RAB30: variants seen among roughly 807,000 people sequenced by gnomAD.
The protein encoded by RAB30 is RAB30, member RAS oncogene family.
Under a neutral mutation model 25.1 loss-of-function variants are expected in RAB30, and 9 were observed. The observed-to-expected ratio is 0.36, with a 90% CI of 0.22 to 0.63. The LOEUF is 0.63. RAB30 is among the 20% of genes least tolerant of loss of function. The pLI is 0.69. For synonymous variants in RAB30, 77 were observed against 86.4 expected, an observed-to-expected ratio of 0.89 and a Z score of 0.60; for missense variants, 140 against 243.5, an observed-to-expected ratio of 0.58 and a Z score of 2.83.
chr11:83,015,858 T>C (rs567294540), intron 1 of RAB30, among the ~76,000 whole-genome samples: 3 of 152,186 alleles, frequency 2.0e-5, no homozygotes, highest in African/African-American at 7.2e-5. Flanking sequence ...AAGAGATGGG[T>C]TGGGCATGGT....
intron 1 of RAB30, among the ~76,000 whole-genome samples, chr11:83,042,771 C>A (rs1233453476): frequency 6.6e-6 from 1 of 152,094 alleles, no homozygotes; most frequent in African/African-American, 2.4e-5. Context: ...TGTATATAAT[C>A]ATGTAGAAAT....
At position 82,981,452 on chromosome 11, in the gene RAB30, T is replaced by TC. The variant is rs559610572; in HGVS notation, c.*712dup. 95 of 152,672 alleles carry TC rather than the reference T, an allele frequency of 6.2e-4. 1 individual carries two copies. Among genetic ancestry groups the TC allele is most frequent in the African/African-American group, 2.2e-3 (90 of 41,544 alleles). 9.5% of individuals were successfully genotyped at this position (152,672 alleles called of 1,614,324 possible). A position where few individuals can be genotyped will look rare whatever the true frequency, so the allele number is the denominator to read the frequency against. On this transcript the variant is annotated 3_prime_UTR_variant, in exon 5 of 5. Transcript: ENST00000527633. ...GAGAAAGAGTGCTGATTCATGGACT[T>TC]CCCCCATTTTTTTATTTCTATATAA...
chr11:83,018,873 A>C (rs1032148891), intron 1 of RAB30, among the ~76,000 whole-genome samples: 1 of 152,140 alleles, frequency 6.6e-6, no homozygotes, highest in Admixed American at 6.5e-5. Context: ...TTTGTATAAG[A>C]TCCAGTTTCA....
intron 2 of RAB30, among the ~76,000 whole-genome samples, chr11:82,994,664 G>C (rs1856923456): frequency 6.6e-6 from 1 of 152,150 alleles, no homozygotes; most frequent in South Asian, 2.1e-4. Flanking sequence ...AGACAGTTTT[G>C]GGATCTGTCT....
At chr11:83,064,145 G>T (rs1365287389) in intron 1 of RAB30, among the ~76,000 whole-genome samples, 1 of 151,678 alleles carries the variant, frequency 6.6e-6, no homozygotes, top group African/African-American at 2.4e-5. Context: ...TTAAGACAAG[G>T]TCTCATGATC....
At chr11:83,014,678 GAAA>G (rs2121500563) in intron 1 of RAB30, among the ~76,000 whole-genome samples, 1 of 142,010 alleles carries the variant, frequency 7.0e-6, no homozygotes, top group African/African-American at 2.7e-5. Flanking sequence ...AAGAAAGAAA[GAAA>G]GAAAGAAAGA....
At chr11:83,063,091 GAAA>G (rs1381725947) in intron 1 of RAB30, among the ~76,000 whole-genome samples, 1 of 151,972 alleles carries the variant, frequency 6.6e-6, no homozygotes, top group Non-Finnish European at 1.5e-5. Flanking sequence ...GCTAAAGAGT[GAAA>G]ATAATTCATG....
intron 1 of RAB30, among the ~76,000 whole-genome samples, chr11:83,019,868 G>A (rs1164569031): frequency 6.6e-6 from 1 of 152,208 alleles, no homozygotes; most frequent in Non-Finnish European, 1.5e-5. Context: ...CAGGCCGAAT[G>A]ACTTTGGGCA....
At chr11:83,026,832 G>A (rs985817968) in intron 1 of RAB30, among the ~76,000 whole-genome samples, 1 of 151,968 alleles carries the variant, frequency 6.6e-6, no homozygotes, top group Non-Finnish European at 1.5e-5. Flanking sequence ...AACCTTATAA[G>A]TACAGAGAAG....
chr11:83,025,928 T>C (rs1857701629), intron 1 of RAB30, among the ~76,000 whole-genome samples: 1 of 152,096 alleles, frequency 6.6e-6, no homozygotes, highest in Non-Finnish European at 1.5e-5. Flanking sequence ...GTGACTCACA[T>C]CTATAATCCC....
Position 83,055,504 on chromosome 11 carries a change from C to T in RAB30, c.-9+16187G>A, listed in dbSNP as rs149397429. On this transcript the variant is annotated intron_variant, in intron 1 of 4. Transcript: ENST00000527633. Reference sequence around the variant, plus strand: ...CACAAATTTTATCCATCTTCTGCTGCGCAGCCAGATCTACCCTGTCTTGGA... The same window carrying T: ...CACAAATTTTATCCATCTTCTGCTGTGCAGCCAGATCTACCCTGTCTTGGA... Among the ~76,000 whole-genome samples the T allele has an allele frequency of 4.6e-5, 7 of 152,206 alleles. No individual in the cohort carries two copies. In the East Asian group the frequency reaches 1.2e-3, roughly 25 times the overall value.
rs1307804974 is a variant in RAB30, at chr11:82,978,646, G to A, written c.*3519C>T. ...AGTCATGAACTGAAACTTGGTGTGG[G>A]ATCTGGTGGAATTATGGGCTAGCTT... On this transcript the variant is annotated 3_prime_UTR_variant, in exon 5 of 5. Coordinates refer to ENST00000527633, the MANE Select transcript of RAB30 (RefSeq NM_001286060.2). The A allele has an allele frequency of 6.6e-6, 1 of 152,164 alleles. No homozygotes were observed. The highest frequency in any genetic ancestry group is 1.5e-5 in the Non-Finnish European group (1 of 68,028). The allele number at this position is 152,164 out of a possible 1,614,324, so 9.4% of individuals were successfully genotyped here.
chr11:82,973,199 T>A lies in RAB30; in HGVS notation c.*8966A>T, dbSNP rs997423457. 5 of 152,216 alleles carry A rather than the reference T, an allele frequency of 3.3e-5. No individual in the cohort carries two copies. Among genetic ancestry groups the A allele is most frequent in the East Asian group, 1.9e-4 (1 of 5,204 alleles). The allele number at this position is 152,216 out of a possible 1,614,324, so 9.4% of individuals were successfully genotyped here. On this transcript the variant is annotated 3_prime_UTR_variant, in exon 5 of 5. Transcript: ENST00000527633. The stretch of plus-strand genomic sequence containing the variant: ...GAAAGCAATTTCCATTTAGTTTTTT[T>A]AAAAAATTGTTACAAATAAAAAGTT...
chr11:82,996,684 C>T (rs1487272973), intron 2 of RAB30, among the ~76,000 whole-genome samples: 1 of 152,180 alleles, frequency 6.6e-6, no homozygotes, highest in Non-Finnish European at 1.5e-5. Context: ...CCATTCAATT[C>T]AGTTCAGATA....
chr11:83,020,679 C>G (rs1385449601), intron 1 of RAB30, among the ~76,000 whole-genome samples: 1 of 152,204 alleles, frequency 6.6e-6, no homozygotes, highest in Non-Finnish European at 1.5e-5. Flanking sequence ...CATGGCCACC[C>G]ATGGACCAAT....
Position 82,987,626 on chromosome 11 carries a change from C to T in RAB30, c.322G>A (p.Glu108Lys). 1 of 1,613,752 alleles carries T rather than the reference C, an allele frequency of 6.2e-7. No individual in the cohort carries two copies. The highest frequency in any genetic ancestry group is 1.1e-5 in the South Asian group (1 of 91,038). The change falls in exon 4 of 5, where the codon GAA becomes AAA. Residue 108 changes from glutamate (E) to lysine (K), a missense_variant. Coordinates refer to ENST00000527633, the MANE Select transcript of RAB30 (RefSeq NM_001286060.2). Reference protein sequence around the residue: ...RCLPEWLREIEQYASNKVITV... With the variant: ...RCLPEWLREIKQYASNKVITV... ...ATGACCTTGTTGCTGGCATATTGTTCTATCTCCCGCAGCCACTCAGGAAGG... is the reference window on the plus strand; with the variant it reads ...ATGACCTTGTTGCTGGCATATTGTTTTATCTCCCGCAGCCACTCAGGAAGG...
At position 82,976,649 on chromosome 11, in the gene RAB30, A is replaced by G. The variant is rs2121418210; in HGVS notation, c.*5516T>C. The G allele has an allele frequency of 6.6e-6, 1 of 152,312 alleles. No homozygotes were observed. The highest frequency in any genetic ancestry group is 3.4e-3 in the Middle Eastern group (1 of 294). The allele number at this position is 152,312 out of a possible 1,614,324, so 9.4% of individuals were successfully genotyped here. A position where few individuals can be genotyped will look rare whatever the true frequency, so the allele number is the denominator to read the frequency against. On this transcript the variant is annotated 3_prime_UTR_variant, in exon 5 of 5. Transcript: ENST00000527633. The stretch of plus-strand genomic sequence containing the variant: ...CTTTGTGCTCTGACCTCTTGTCCAA[A>G]GGAGTCCAAGAAAGTCTCAATCAAA...
intron 1 of RAB30, among the ~76,000 whole-genome samples, chr11:83,037,831 T>C (rs114379048): frequency 2.0e-3 from 299 of 152,276 alleles, no homozygotes; most frequent in African/African-American, 7.1e-3. Context: ...GGGGTTATGA[T>C]AGAGAGTAAA....
chr11:83,037,020 C>T (rs11233436), intron 1 of RAB30, among the ~76,000 whole-genome samples: 4,351 of 152,112 alleles, frequency 0.029, 185 homozygotes, highest in African/African-American at 0.091. Flanking sequence ...ATCTGACTTG[C>T]GCTTTAAAGA....
Sources: gnomAD v4.1 joint callset for allele counts (sites outside exome capture counted in the v4.1 genomes callset) on GRCh38, gnomAD v4.1.1 for gene constraint, MANE v1.5 for transcripts, NCBI Gene and HGNC (gene_info 2026-07-23, HGNC 2026-07-21) for gene names.